Variants in CCNY observed in about 807,000 individuals in gnomAD.
CCNY encodes cyclin-Y.
CCNY carries 19 observed loss-of-function variants against 42.8 expected under a neutral mutation model. That is an observed-to-expected ratio of 0.44 (90% CI 0.31 to 0.65). The LOEUF is 0.65. Among genes scored for constraint, CCNY ranks in the 30% least tolerant of loss-of-function variants. The pLI is 0.07. For synonymous variants in CCNY, 165 were observed against 162.7 expected, an observed-to-expected ratio of 1.01 and a Z score of -0.11; for missense variants, 370 against 437.3, an observed-to-expected ratio of 0.85 and a Z score of 1.37.
intron 3 of CCNY, among the ~76,000 whole-genome samples, chr10:35,508,362 T>C (rs1840257427): frequency 1.3e-5 from 2 of 152,358 alleles, no homozygotes; most frequent in South Asian, 4.1e-4. Flanking sequence ...TGGCAGTCTT[T>C]TGATACTGGT....
At chr10:35,392,331 G>T (rs964558775) in intron 1 of CCNY, among the ~76,000 whole-genome samples, 1 of 152,232 alleles carries the variant, frequency 6.6e-6, no homozygotes, top group African/African-American at 2.4e-5. Context: ...ACCAGAGGAA[G>T]GCACTGTTCT....
chr10:35,426,189 G>A (rs1343069395), intron 1 of CCNY, among the ~76,000 whole-genome samples: 6 of 126,710 alleles, frequency 4.7e-5, no homozygotes, highest in African/African-American at 1.8e-4. Flanking sequence ...TCACACACAG[G>A]CACATGACCC....
chr10:35,263,356 C>CAAAA (rs71523372), intron 3 of CCNY, among the ~76,000 whole-genome samples: 2 of 44,290 alleles, frequency 4.5e-5, no homozygotes, highest in African/African-American at 8.4e-5. Context: ...GACTCCGTCT[C>CAAAA]AAAAAAAAAA....
chr10:35,492,297 G>T (rs1839915511), intron 2 of CCNY, among the ~76,000 whole-genome samples: 1 of 152,218 alleles, frequency 6.6e-6, no homozygotes, highest in Non-Finnish European at 1.5e-5. Flanking sequence ...GGCATGCTCT[G>T]CCCGCAGCAC....
At chr10:35,358,161 C>T (rs1836600725) in intron 1 of CCNY, among the ~76,000 whole-genome samples, 1 of 151,932 alleles carries the variant, frequency 6.6e-6, no homozygotes, top group Admixed American at 6.6e-5. Flanking sequence ...TACAGAACAC[C>T]ACCATAACAT....
chr10:35,393,502 T>G (rs558271949), intron 1 of CCNY, among the ~76,000 whole-genome samples: 12 of 152,334 alleles, frequency 7.9e-5, no homozygotes, highest in African/African-American at 2.9e-4. Context: ...TAGGGACACC[T>G]GCCTTGCTCA....
At chr10:35,510,797 G>A (rs1025398673) in intron 3 of CCNY, among the ~76,000 whole-genome samples, 1 of 152,156 alleles carries the variant, frequency 6.6e-6, no homozygotes, top group East Asian at 1.9e-4. Flanking sequence ...ATTACGAAAG[G>A]GGTTACTATT....
At chr10:35,482,749 G>GGGGTGTGTGTGTGTGT (rs751774596) in intron 1 of CCNY, among the ~76,000 whole-genome samples, 2 of 128,844 alleles carry the variant, frequency 1.6e-5, no homozygotes, top group Non-Finnish European at 3.3e-5. Context: ...GCTGGAAATA[G>GGGGTGTGTGTGTGTGT]GTGTGTGTGT....
chr10:35,499,330 T>G (rs1840064796), intron 2 of CCNY, among the ~76,000 whole-genome samples: 1 of 152,032 alleles, frequency 6.6e-6, no homozygotes, highest in Non-Finnish European at 1.5e-5. Flanking sequence ...GCAGAGAAAC[T>G]CCTGTTTTTA....
intron 2 of CCNY, among the ~76,000 whole-genome samples, chr10:35,487,374 G>A (rs968098142): frequency 1.3e-5 from 2 of 152,148 alleles, no homozygotes; most frequent in African/African-American, 4.8e-5. Flanking sequence ...GGACAGTCAT[G>A]TTAGGGCAGC....
At chr10:35,308,523 G>A (rs977815214) in intron 3 of CCNY, among the ~76,000 whole-genome samples, 4 of 152,148 alleles carry the variant, frequency 2.6e-5, no homozygotes, top group African/African-American at 7.2e-5. Context: ...CTGCACTCCA[G>A]CCTGCGTGAC....
At chr10:35,501,093 A>C (rs892829464) in intron 2 of CCNY, among the ~76,000 whole-genome samples, 1 of 152,152 alleles carries the variant, frequency 6.6e-6, no homozygotes, top group Non-Finnish European at 1.5e-5. Flanking sequence ...ATTGTTATTT[A>C]TATTTCCCTT....
chr10:35,426,479 C>G (rs746059026), intron 1 of CCNY, among the ~76,000 whole-genome samples: 3 of 152,338 alleles, frequency 2.0e-5, no homozygotes, highest in African/African-American at 4.8e-5. Context: ...GCAGTAGCCA[C>G]TGCATTGCAT....
At chr10:35,548,282 A>G (rs185154891) in intron 7 of CCNY, among the ~76,000 whole-genome samples, 2 of 147,356 alleles carry the variant, frequency 1.4e-5, no homozygotes, top group Admixed American at 1.4e-4. Flanking sequence ...ATATAAATAT[A>G]TATATTTATG....
chr10:35,553,106 G>T lies in CCNY; in HGVS notation c.667G>T (p.Ala223Ser), dbSNP rs923074279. Residue 223 changes from alanine (A) to serine (S), a missense_variant, in exon 8 of 10, where the codon GCC becomes TCC. Coordinates refer to ENST00000374704, the MANE Select transcript of CCNY (RefSeq NM_145012.6). ...KRIVLGAILLASKVWDDQAVW... is the reference protein window; with the variant it reads ...KRIVLGAILLSSKVWDDQAVW... ...GATTGTTTTAGGGGCGATCCTGCTG[G>T]CCTCCAAGGTGTGGGATGACCAGGC... The T allele has an allele frequency of 2.5e-6, 4 of 1,614,180 alleles. No homozygotes were observed. The highest frequency in any genetic ancestry group is 3.4e-6 in the Non-Finnish European group (4 of 1,180,022).
At chr10:35,533,031 T>G (rs1840802322) in intron 7 of CCNY, among the ~76,000 whole-genome samples, 1 of 152,226 alleles carries the variant, frequency 6.6e-6, no homozygotes, top group Non-Finnish European at 1.5e-5. Context: ...TTGGGCTGCT[T>G]CTCTCACCTT....
rs2095710853 is a variant in CCNY, at chr10:35,250,128, A to G, written c.-113-394A>G. ...AGAGTGGCGTGAACCCGGGAGGCAGAGCTTGCAGTGAGCTAAGATCGTGCC... is the reference window on the plus strand; with the variant it reads ...AGAGTGGCGTGAACCCGGGAGGCAGGGCTTGCAGTGAGCTAAGATCGTGCC... On this transcript the variant is annotated intron_variant, in intron 2 of 11. Transcript: ENST00000374706. Among the ~76,000 whole-genome samples the G allele has an allele frequency of 2.0e-5, 3 of 148,338 alleles. 1 individual carries two copies. The South Asian group carries it at 6.4e-4, about 32-fold the overall frequency.
At chr10:35,428,349 G>A (rs1283089013) in intron 1 of CCNY, among the ~76,000 whole-genome samples, 2 of 152,174 alleles carry the variant, frequency 1.3e-5, no homozygotes, top group East Asian at 3.9e-4. Flanking sequence ...GGGTGGTTGG[G>A]TGTATAGTGG....
intron 4 of CCNY, among the ~76,000 whole-genome samples, chr10:35,522,230 AC>A (rs1183301652): frequency 2.6e-5 from 4 of 152,118 alleles, no homozygotes; most frequent in African/African-American, 9.7e-5. Context: ...TTCCCTCTAA[AC>A]AAAGAGTTTT....
Sources: gnomAD v4.1 joint callset for allele counts (sites outside exome capture counted in the v4.1 genomes callset) on GRCh38, gnomAD v4.1.1 for gene constraint, MANE v1.5 for transcripts, NCBI Gene and HGNC (gene_info 2026-07-23, HGNC 2026-07-21) for gene names.